Variants in SUGCT observed in about 807,000 individuals in gnomAD.
SUGCT encodes succinyl-CoA:glutarate CoA-transferase.
SUGCT carries 41 observed loss-of-function variants against 55.0 expected under a neutral mutation model. The observed-to-expected ratio is 0.74, with a 90% CI of 0.58 to 0.97. The LOEUF is 0.97. Ranked by LOEUF, SUGCT falls within the 50% of genes least tolerant of loss-of-function variation. The probability of loss-of-function intolerance (pLI) is 0.00; values close to 1 mark genes in which losing one functional copy is unlikely to be tolerated. For missense variants in SUGCT, 568 were observed against 547.8 expected (o/e 1.04, Z -0.37); for synonymous variants, 187 against 200.4 (o/e 0.93, Z 0.56).
At chr7:40,461,100 T>G (rs1402552907) in intron 11 of SUGCT, among the ~76,000 whole-genome samples, 1 of 152,226 alleles carries the variant, frequency 6.6e-6, no homozygotes, top group Non-Finnish European at 1.5e-5. Flanking sequence ...AGCACGTCTC[T>G]CTTCCTCCAC....
chr7:40,212,153 C>T (rs901138777), intron 6 of SUGCT, among the ~76,000 whole-genome samples: 21 of 151,524 alleles, frequency 1.4e-4, no homozygotes, highest in African/African-American at 3.9e-4. Context: ...GGCATGATCG[C>T]GGCTCACTGC....
At chr7:40,493,966 C>A (rs1306835856) in intron 11 of SUGCT, among the ~76,000 whole-genome samples, 1 of 152,168 alleles carries the variant, frequency 6.6e-6, no homozygotes, top group African/African-American at 2.4e-5. Flanking sequence ...CACACCCACA[C>A]CCACGCAAAG....
At chr7:40,794,740 A>G (rs1202763702) in intron 13 of SUGCT, among the ~76,000 whole-genome samples, 3 of 152,172 alleles carry the variant, frequency 2.0e-5, no homozygotes, top group African/African-American at 7.2e-5. Flanking sequence ...CAATGTAGCC[A>G]TACATTTAAA....
chr7:40,351,704 G>A (rs1356355843), intron 9 of SUGCT, among the ~76,000 whole-genome samples: 1 of 152,172 alleles, frequency 6.6e-6, no homozygotes, highest in African/African-American at 2.4e-5. Flanking sequence ...CACATTTAGA[G>A]TTTGGTTAAA....
chr7:40,743,814 T>C (rs143095909), intron 12 of SUGCT, among the ~76,000 whole-genome samples: 20 of 152,344 alleles, frequency 1.3e-4, no homozygotes, highest in African/African-American at 4.3e-4. Context: ...CCAGGGCCTA[T>C]GCTCAGGGCT....
At chr7:40,840,400 A>G (rs1487551743) in intron 13 of SUGCT, among the ~76,000 whole-genome samples, 1 of 152,118 alleles carries the variant, frequency 6.6e-6, no homozygotes, top group African/African-American at 2.4e-5. Flanking sequence ...TAACTGCAAG[A>G]CAACAGGATA....
intron 10 of SUGCT, among the ~76,000 whole-genome samples, chr7:40,454,368 C>T (rs1413325074): frequency 6.6e-6 from 1 of 152,120 alleles, no homozygotes; most frequent in East Asian, 1.9e-4. Flanking sequence ...TGCATGAATA[C>T]ATAATGTGTC....
At chr7:40,644,879 C>G (rs972721042) in intron 12 of SUGCT, among the ~76,000 whole-genome samples, 1 of 152,146 alleles carries the variant, frequency 6.6e-6, no homozygotes, top group Non-Finnish European at 1.5e-5. Flanking sequence ...GCCTCCTGTC[C>G]GCACCTGGGT....
At chr7:40,884,361 T>A in the SUGCT span, among the ~76,000 whole-genome samples, 1 of 152,220 alleles carries the variant, frequency 6.6e-6, no homozygotes, top group Non-Finnish European at 1.5e-5. Flanking sequence ...CAAATATGTT[T>A]CCTTTGCTCA....
the SUGCT span, among the ~76,000 whole-genome samples, chr7:40,911,246 A>G: frequency 6.6e-6 from 1 of 152,156 alleles, no homozygotes; most frequent in South Asian, 2.1e-4. Flanking sequence ...AAACAGTACA[A>G]GCCACCAAAA....
intron 8 of SUGCT, among the ~76,000 whole-genome samples, chr7:40,286,315 G>A (rs1001890980): frequency 2.0e-5 from 3 of 152,130 alleles, no homozygotes; most frequent in South Asian, 2.1e-4. Context: ...TTAAAATTGC[G>A]GGGATGAGAA....
At chr7:40,630,513 T>TA (rs891134344) in intron 12 of SUGCT, among the ~76,000 whole-genome samples, 5 of 151,992 alleles carry the variant, frequency 3.3e-5, no homozygotes, top group Non-Finnish European at 5.9e-5. Context: ...TGTTTTTGGT[T>TA]AAAAAAAAGA....
intron 1 of SUGCT, among the ~76,000 whole-genome samples, chr7:40,176,124 T>G (rs1269512464): frequency 6.6e-6 from 1 of 151,672 alleles, no homozygotes; most frequent in Non-Finnish European, 1.5e-5. Context: ...CTTAGCTACT[T>G]GGGAGGCTGA....
intron 12 of SUGCT, among the ~76,000 whole-genome samples, chr7:40,528,566 G>A (rs1280889163): frequency 3.3e-5 from 5 of 152,096 alleles, no homozygotes; most frequent in Non-Finnish European, 5.9e-5. Context: ...TTTCTCAGCA[G>A]CAATGGAAAG....
chr7:40,563,763 AAAGC>A (rs1795977554), intron 12 of SUGCT, among the ~76,000 whole-genome samples: 1 of 151,550 alleles, frequency 6.6e-6, no homozygotes. Context: ...AAAGGGGGGG[AAAGC>A]CTCTTATGGC....
chr7:40,261,122 G>A (rs1172002915), intron 7 of SUGCT, among the ~76,000 whole-genome samples: 3 of 152,164 alleles, frequency 2.0e-5, no homozygotes, highest in Non-Finnish European at 4.4e-5. Flanking sequence ...AAAGTCTATA[G>A]GGACTGGACT....
chr7:40,650,341 G>C (rs921361505), intron 12 of SUGCT, among the ~76,000 whole-genome samples: 6 of 152,184 alleles, frequency 3.9e-5, no homozygotes, highest in African/African-American at 1.4e-4. Flanking sequence ...GGATTACACA[G>C]TAGTGTGTAC....
Position 40,751,525 on chromosome 7 carries a change from G to C in SUGCT, c.1153+2028G>C, listed in dbSNP as rs561297200. Among the ~76,000 whole-genome samples the C allele has an allele frequency of 5.3e-5, 8 of 152,276 alleles. No homozygotes were observed. The South Asian group carries it at 1.7e-3, about 32-fold the overall frequency. On this transcript the variant is annotated intron_variant, in intron 13 of 13. Coordinates refer to ENST00000335693, the MANE Select transcript of SUGCT (RefSeq NM_001193313.2). Reference sequence around the variant, plus strand: ...GTATTAGATCTTTAGAAAACATCTGGTCTAGTAGTTTTTGATATTTATACA... The same window carrying C: ...GTATTAGATCTTTAGAAAACATCTGCTCTAGTAGTTTTTGATATTTATACA...
chr7:40,542,599 G>A lies in SUGCT; in HGVS notation c.1089+46213G>A, dbSNP rs140165538. On this transcript the variant is annotated intron_variant, in intron 12 of 13. Coordinates refer to ENST00000335693, the MANE Select transcript of SUGCT (RefSeq NM_001193313.2). The stretch of plus-strand genomic sequence containing the variant: ...ATAAAGGCCTGCCTATATAATAAAG[G>A]CCTTTTTGCTCATGTGTGTCTCATT... Among the ~76,000 whole-genome samples the A allele has an allele frequency of 2.9e-3, 439 of 152,266 alleles. 3 individuals carry two copies. Among genetic ancestry groups the A allele is most frequent in the Middle Eastern group, 0.024 (7 of 294 alleles).
Sources: gnomAD v4.1 joint callset for allele counts (sites outside exome capture counted in the v4.1 genomes callset) on GRCh38, gnomAD v4.1.1 for gene constraint, MANE v1.5 for transcripts, NCBI Gene and HGNC (gene_info 2026-07-23, HGNC 2026-07-21) for gene names.